The following GFOD1 variants were observed in gnomAD, a reference collection of about 807,000 sequenced individuals.
GFOD1 encodes the protein Gfo/Idh/MocA-like oxidoreductase domain containing 1.
In GFOD1, 9 loss-of-function variants were observed where a neutral mutation model predicts 25.4. The observed-to-expected ratio is 0.35, with a 90% CI of 0.21 to 0.62. GFOD1 has a LOEUF of 0.62. Among genes scored for constraint, GFOD1 ranks in the 20% least tolerant of loss-of-function variants. GFOD1 has a pLI of 0.72. For missense variants in GFOD1, 403 were observed against 556.9 expected (o/e 0.72, Z 2.78); for synonymous variants, 253 against 245.6 (o/e 1.03, Z -0.28).
At position 13,364,700 on chromosome 6, in the gene GFOD1, A is replaced by G; in HGVS notation, c.*43T>C. 1.3e-6 allele frequency: 2 copies of G among 1,518,766 alleles called. No homozygotes were observed. Among genetic ancestry groups the G allele is most frequent in the Non-Finnish European group, 1.8e-6 (2 of 1,111,166 alleles). The allele number at this position is 1,518,766 out of a possible 1,614,324, so 94.1% of individuals were successfully genotyped here. On this transcript the variant is annotated 3_prime_UTR_variant, in exon 2 of 2. Coordinates refer to ENST00000379287, the MANE Select transcript of GFOD1 (RefSeq NM_018988.4). This position sits in a 1 kb window ranked among gnomAD's most constrained non-coding sequence, Gnocchi z 4.1. Reference sequence around the variant, plus strand: ...CCTCGGCCCTTCCCTCTCTGTGGACATCCCCTGCAGAAGGCTCAAGTCCCC... The same window carrying G: ...CCTCGGCCCTTCCCTCTCTGTGGACGTCCCCTGCAGAAGGCTCAAGTCCCC...
chr6:13,445,334 T>C (rs1256781929), intron 1 of GFOD1, among the ~76,000 whole-genome samples: 2 of 152,214 alleles, frequency 1.3e-5, no homozygotes, highest in Admixed American at 1.3e-4. Context: ...TATAAATGAG[T>C]TCCAGAGACT....
chr6:13,465,123 G>T (rs1305047138), intron 1 of GFOD1, among the ~76,000 whole-genome samples: 1 of 151,948 alleles, frequency 6.6e-6, no homozygotes, highest in East Asian at 1.9e-4. Flanking sequence ...ATCATTAATT[G>T]ATCATCTAAA....
At chr6:13,463,967 T>C (rs1464703560) in intron 1 of GFOD1, among the ~76,000 whole-genome samples, 2 of 151,586 alleles carry the variant, frequency 1.3e-5, no homozygotes, top group Non-Finnish European at 2.9e-5. Context: ...TCACTGGCTT[T>C]ACAAACAACA....
intron 1 of GFOD1, among the ~76,000 whole-genome samples, chr6:13,376,231 G>A (rs568725070): frequency 1.3e-5 from 2 of 152,344 alleles, no homozygotes; most frequent in African/African-American, 4.8e-5. Flanking sequence ...TCCCATGGGA[G>A]AACAGAGGTT....
chr6:13,470,712 G>C, intron 1 of GFOD1: 1 of 1,435,580 alleles, frequency 7.0e-7, no homozygotes, highest in Non-Finnish European at 9.2e-7. Context: ...TATTCATGTG[G>C]GAGATAAGAA....
intron 1 of GFOD1, chr6:13,470,117 G>A (rs1308344999): frequency 6.8e-7 from 1 of 1,460,572 alleles, no homozygotes; most frequent in African/African-American, 1.4e-5. Context: ...GATAAATACT[G>A]CAGTTGGAAA....
At chr6:13,470,310 C>T in intron 1 of GFOD1, 1 of 1,581,934 alleles carries the variant, frequency 6.3e-7, no homozygotes, top group Middle Eastern at 2.0e-4. Context: ...AGGCCCGCTG[C>T]ATTCAGGCAA....
chr6:13,452,842 G>T lies in GFOD1; in HGVS notation c.253+33796C>A, dbSNP rs963247273. On this transcript the variant is annotated intron_variant, in intron 1 of 1. Coordinates refer to ENST00000379287, the MANE Select transcript of GFOD1 (RefSeq NM_018988.4). ...AAGATCGCACTGCTCCCAAGCTTTG[G>T]GACTGGAGCACACCGTCTGACTCCT... Among the ~76,000 whole-genome samples, 68 of 152,158 alleles carry T rather than the reference G, an allele frequency of 4.5e-4. 1 individual carries two copies. The highest frequency in any genetic ancestry group is 1.6e-3 in the African/African-American group (66 of 41,438).
chr6:13,397,248 C>T (rs1350865124), intron 1 of GFOD1, among the ~76,000 whole-genome samples: 1 of 152,194 alleles, frequency 6.6e-6, no homozygotes. Context: ...AAGACAGATT[C>T]TTAATAAAGT....
intron 1 of GFOD1, among the ~76,000 whole-genome samples, chr6:13,385,096 G>A (rs1054291192): frequency 1.3e-5 from 2 of 152,140 alleles, no homozygotes; most frequent in African/African-American, 4.8e-5. Flanking sequence ...GAGAGTTGCA[G>A]GCCTGTCTTC....
Position 13,377,570 on chromosome 6 carries a change from C to G in GFOD1, c.254-11908G>C, listed in dbSNP as rs369610742. ...CTTCTCATGCTTGGAAGCCCTTGGA[C>G]TTCCTCTTTTGCCACCAGTGAGAGA... On this transcript the variant is annotated intron_variant, in intron 1 of 1. Transcript: ENST00000379287. Among the ~76,000 whole-genome samples the G allele has an allele frequency of 2.7e-4, 41 of 152,348 alleles. 1 individual carries two copies. The highest frequency in any genetic ancestry group is 9.4e-4 in the African/African-American group (39 of 41,590).
intron 1 of GFOD1, among the ~76,000 whole-genome samples, chr6:13,368,770 C>A (rs1055929155): frequency 6.6e-6 from 1 of 152,036 alleles, no homozygotes; most frequent in Admixed American, 6.5e-5. Context: ...GATCCACACC[C>A]CTTCCCTACA....
At chr6:13,454,125 C>T (rs1584661474) in intron 1 of GFOD1, among the ~76,000 whole-genome samples, 1 of 152,070 alleles carries the variant, frequency 6.6e-6, no homozygotes, top group East Asian at 1.9e-4. Flanking sequence ...AAAGCAGAGA[C>T]GAGGTGATGC....
intron 1 of GFOD1, among the ~76,000 whole-genome samples, chr6:13,405,065 C>T (rs1212958193): frequency 6.6e-6 from 1 of 152,218 alleles, no homozygotes; most frequent in Non-Finnish European, 1.5e-5. Flanking sequence ...TTTCTAGACT[C>T]TATCTCAAAT....
At chr6:13,443,921 C>A (rs1419219050) in intron 1 of GFOD1, among the ~76,000 whole-genome samples, 1 of 151,736 alleles carries the variant, frequency 6.6e-6, no homozygotes, top group Non-Finnish European at 1.5e-5. Flanking sequence ...CCTCTACCGG[C>A]AAAAGGATTA....
At chr6:13,383,309 T>A (rs1785402520) in intron 1 of GFOD1, among the ~76,000 whole-genome samples, 1 of 152,198 alleles carries the variant, frequency 6.6e-6, no homozygotes, top group Admixed American at 6.5e-5. Flanking sequence ...CATCCAGAGG[T>A]CCCATGGTGA....
chr6:13,472,285 T>A (rs1758526104), intron 1 of GFOD1, among the ~76,000 whole-genome samples: 1 of 152,126 alleles, frequency 6.6e-6, no homozygotes. Context: ...TTTATTTAGT[T>A]TTATGTAAAT....
chr6:13,399,076 G>A (rs541873997), intron 1 of GFOD1, among the ~76,000 whole-genome samples: 1 of 152,188 alleles, frequency 6.6e-6, no homozygotes, highest in South Asian at 2.1e-4. Flanking sequence ...GTGCAGTGGC[G>A]CAATCAAAGC....
At chr6:13,460,728 G>A (rs1216155181) in intron 1 of GFOD1, among the ~76,000 whole-genome samples, 2 of 152,188 alleles carry the variant, frequency 1.3e-5, no homozygotes, top group African/African-American at 4.8e-5. Context: ...AATATCTAAT[G>A]CATATTAATA....
Sources: gnomAD v4.1 joint callset for allele counts (sites outside exome capture counted in the v4.1 genomes callset) on GRCh38, gnomAD v4.1.1 for gene constraint, Gnocchi (gnomAD v3.1) non-coding constraint, MANE v1.5 for transcripts, NCBI Gene and HGNC (gene_info 2026-07-23, HGNC 2026-07-21) for gene names.